CASP2: variants seen among roughly 807,000 people sequenced by gnomAD.
The protein encoded by CASP2 is caspase-2.
In CASP2, 38 loss-of-function variants were observed where a neutral mutation model predicts 54.4. The ratio of observed to expected loss-of-function variants is 0.70; its 90% CI spans 0.54 to 0.92. The LOEUF (loss-of-function observed/expected upper bound fraction) is 0.92. CASP2 is among the 40% of genes least tolerant of loss of function. The pLI is 0.00. For synonymous variants in CASP2, 215 were observed against 216.3 expected (o/e 0.99, Z 0.05); for missense variants, 512 against 579.6 (o/e 0.88, Z 1.20).
chr7:143,288,352 C>G lies in CASP2; in HGVS notation c.-104C>G. On this transcript the variant is annotated 5_prime_UTR_variant, in exon 1 of 11. Coordinates refer to ENST00000310447, the MANE Select transcript of CASP2 (RefSeq NM_032982.4). Reference sequence around the variant, plus strand: ...GCGCGGCAGGGCGCAGGCGCAGGCGCAGTGTGCGTCCGCGTCTGAGGGGAG... The same window carrying G: ...GCGCGGCAGGGCGCAGGCGCAGGCGGAGTGTGCGTCCGCGTCTGAGGGGAG... 8.5e-7 allele frequency: 1 copy of G among 1,171,738 alleles called. No individual in the cohort carries two copies. The highest frequency in any genetic ancestry group is 1.3e-5 in the South Asian group (1 of 74,562). 72.6% of individuals were successfully genotyped at this position (1,171,738 alleles called of 1,614,324 possible).
rs755264225 is a variant in CASP2, at chr7:143,294,654, T to C, written c.628T>C (p.Phe210Leu). Reference sequence around the variant, plus strand: ...AGCACTGGTGTTGAGCAATGTGCACTTCACTGGAGAGAAAGAACTGGAATT... The same window carrying C: ...AGCACTGGTGTTGAGCAATGTGCACCTCACTGGAGAGAAAGAACTGGAATT... ...GLALVLSNVH[F>L]TGEKELEFRS... Residue 210 changes from phenylalanine (F) to leucine (L), a missense_variant, in exon 6 of 11, where the codon TTC (phenylalanine) becomes CTC (leucine). Physicochemically the swap from Phe to Leu is conservative, Grantham distance 22. Coordinates refer to ENST00000310447, the MANE Select transcript of CASP2 (RefSeq NM_032982.4). 71 of 1,614,092 alleles carry C rather than the reference T, an allele frequency of 4.4e-5. No individual in the cohort carries two copies. Among genetic ancestry groups the C allele is most frequent in the South Asian group, 1.4e-4 (13 of 91,092 alleles).
chr7:143,301,666 T>A (rs1801920634), intron 8 of CASP2: 1 of 152,062 alleles, frequency 6.6e-6, no homozygotes, highest in Non-Finnish European at 1.5e-5. Flanking sequence ...GTATCTAGAG[T>A]CTGTCGTAGG....
At position 143,291,599 on chromosome 7, in the gene CASP2, T is replaced by A; in HGVS notation, c.134T>A (p.Val45Glu). The change falls in exon 2 of 11, where the codon GTG becomes GAG. Residue 45 changes from valine to glutamate, a missense_variant. Around this residue, in one of 3 missense-constraint regions of CASP2, gnomAD observed 89 missense variants for 67.1 expected, o/e 1.33. Transcript: ENST00000310447. ...HHQETLKKNRVVLAKQLLLSE... is the reference protein window; with the variant it reads ...HHQETLKKNREVLAKQLLLSE... The stretch of plus-strand genomic sequence containing the variant: ...CAGGAAACTCTAAAAAAGAACCGAG[T>A]GGTGCTAGCCAAACAGCTGTTGTTG... 2 of 1,613,762 alleles carry A rather than the reference T, an allele frequency of 1.2e-6. No homozygotes were observed. The highest frequency in any genetic ancestry group is 1.7e-6 in the Non-Finnish European group (2 of 1,179,908).
rs1249781536 is a variant in CASP2 at position 143,307,648 on chromosome 7, A to G, written c.*2577A>G. 1 of 152,182 alleles carries G rather than the reference A, an allele frequency of 6.6e-6. No individual in the cohort carries two copies. The highest frequency in any genetic ancestry group is 1.5e-5 in the Non-Finnish European group (1 of 68,028). 9.4% of individuals were successfully genotyped at this position (152,182 alleles called of 1,614,324 possible). A position where few individuals can be genotyped will look rare whatever the true frequency, so the allele number is the denominator to read the frequency against. ...GAACCTTTCCACTCCCACTGCCAGGATTTTGTATTGCCATCGGGTGCCAAA... is the reference window on the plus strand; with the variant it reads ...GAACCTTTCCACTCCCACTGCCAGGGTTTTGTATTGCCATCGGGTGCCAAA... On this transcript the variant is annotated 3_prime_UTR_variant, in exon 11 of 11. Coordinates refer to ENST00000310447, the MANE Select transcript of CASP2 (RefSeq NM_032982.4).
At position 143,288,395 on chromosome 7, in the gene CASP2, C is replaced by G; in HGVS notation, c.-61C>G. 1.3e-6 allele frequency: 2 copies of G among 1,540,202 alleles called. No individual in the cohort carries two copies. The highest frequency in any genetic ancestry group is 1.1e-5 in the South Asian group (1 of 88,358). ...GAGGGGAGGGATGTGGGGGAAGCGACGGCCCCCGGTTTGTTTGGGCTGTGG... is the reference window on the plus strand; with the variant it reads ...GAGGGGAGGGATGTGGGGGAAGCGAGGGCCCCCGGTTTGTTTGGGCTGTGG... On this transcript the variant is annotated 5_prime_UTR_variant, in exon 1 of 11. Transcript: ENST00000310447.
rs946012982 is a variant in CASP2, at chr7:143,305,811, G to A, written c.*740G>A. 2.6e-5 allele frequency: 4 copies of A among 154,410 alleles called. No homozygotes were observed. Among genetic ancestry groups the A allele is most frequent in the Admixed American group, 6.3e-5 (1 of 15,770 alleles). 9.6% of individuals were successfully genotyped at this position (154,410 alleles called of 1,614,324 possible). ...GAGCTTTGTTACTGAAATGAGCCTC[G>A]TGGGGAGCATCAGAGAAGGCCAGGA... is the stretch of plus-strand genomic sequence containing the variant. On this transcript the variant is annotated 3_prime_UTR_variant, in exon 11 of 11. Coordinates refer to ENST00000310447, the MANE Select transcript of CASP2 (RefSeq NM_032982.4).
intron 1 of CASP2, chr7:143,289,611 G>A (rs1801491759): frequency 2.0e-6 from 2 of 983,966 alleles, no homozygotes; most frequent in African/African-American, 1.7e-5. Context: ...GATTTAAGGA[G>A]CGAATACTAC....
rs1329954156 is a variant in CASP2, at chr7:143,305,180, G to T, written c.*109G>T. ...GTTTCTGTTCTGCCCCCTCAGGGATGTGGGAATCTCCCAGACTTGTTTCCT... is the reference window on the plus strand; with the variant it reads ...GTTTCTGTTCTGCCCCCTCAGGGATTTGGGAATCTCCCAGACTTGTTTCCT... On this transcript the variant is annotated 3_prime_UTR_variant, in exon 11 of 11. Coordinates refer to ENST00000310447, the MANE Select transcript of CASP2 (RefSeq NM_032982.4). 4 of 1,393,300 alleles carry T rather than the reference G, an allele frequency of 2.9e-6. No individual in the cohort carries two copies. The highest frequency in any genetic ancestry group is 4.0e-6 in the Non-Finnish European group (4 of 994,234). 86.3% of individuals were successfully genotyped at this position (1,393,300 alleles called of 1,614,324 possible). A position where few individuals can be genotyped will look rare whatever the true frequency, so the allele number is the denominator to read the frequency against.
chr7:143,294,821 C>A, intron 6 of CASP2, 48 bp downstream of exon 6: 1 of 1,501,202 alleles, frequency 6.7e-7, no homozygotes, highest in Non-Finnish European at 9.2e-7. Flanking sequence ...GACTGAACAA[C>A]ACTTTGGGAC....
chr7:143,300,836 C>T (rs1338990854), intron 8 of CASP2: 6 of 1,135,798 alleles, frequency 5.3e-6, no homozygotes, highest in African/African-American at 1.6e-5. Flanking sequence ...CTTCCTTTTC[C>T]GTGAGCTGCT....
At chr7:143,304,616 T>G in intron 9 of CASP2, 58 bp from the exon 10 acceptor site, 1 of 1,266,748 alleles carries the variant, frequency 7.9e-7, no homozygotes, top group Non-Finnish European at 1.2e-6. Flanking sequence ...GAGTCTAGTT[T>G]GGGAAGTGCA....
intron 6 of CASP2, among the ~76,000 whole-genome samples, chr7:143,297,678 C>G (rs1463407228): frequency 6.6e-6 from 1 of 152,082 alleles, no homozygotes; most frequent in Non-Finnish European, 1.5e-5. Context: ...AACTCCTGAC[C>G]TCAGGTGATC....
chr7:143,299,296 A>C (rs557557026), intron 6 of CASP2, among the ~76,000 whole-genome samples: 1 of 152,332 alleles, frequency 6.6e-6, no homozygotes, highest in Non-Finnish European at 1.5e-5. Context: ...TCATGAAGCC[A>C]AGGTTCAAAC....
chr7:143,294,461 T>G, intron 5 of CASP2, 136 bp from the exon 6 acceptor site: 1 of 1,040,480 alleles, frequency 9.6e-7, no homozygotes, highest in Non-Finnish European at 1.5e-6. Flanking sequence ...ATGCCTTCTG[T>G]GAGCATTTGT....
intron 6 of CASP2, among the ~76,000 whole-genome samples, chr7:143,295,453 C>T (rs969268395): frequency 1.3e-5 from 2 of 152,216 alleles, no homozygotes; most frequent in African/African-American, 4.8e-5. Context: ...TACTGTACTG[C>T]ACAACTGACT....
intron 1 of CASP2, among the ~76,000 whole-genome samples, chr7:143,290,055 C>CTTTTTT (rs35440867): frequency 1.7e-4 from 19 of 114,542 alleles, no homozygotes; most frequent in African/African-American, 3.7e-4. Context: ...TTTTCCCTCC[C>CTTTTTT]TTTTTTTTTT....
intron 5 of CASP2, 86 bp from the exon 6 acceptor site, chr7:143,294,511 G>A: frequency 1.5e-6 from 2 of 1,340,364 alleles, no homozygotes; most frequent in Non-Finnish European, 2.1e-6. Flanking sequence ...AAAATACGAT[G>A]TCTTTGTTTT....
chr7:143,304,546 C>T, intron 9 of CASP2, 128 bp from the exon 10 acceptor site: 2 of 778,798 alleles, frequency 2.6e-6, no homozygotes, highest in Admixed American at 3.5e-5. Context: ...AGAGTACCCT[C>T]CTAGACTTAG....
Position 143,303,834 on chromosome 7 carries a change from T to TC in CASP2, c.1022dup (p.Gly342TrpfsTer6), listed in dbSNP as rs750126696. On this transcript the variant is annotated frameshift_variant, in exon 9 of 11. Transcript: ENST00000310447. LOFTEE classifies it high-confidence loss of function. The stretch of plus-strand genomic sequence containing the variant: ...ACAAGATGGAAAGAACCACGCAGGA[T>TC]CCCCTGGGTGCGAGGAGAGTGATGC... The TC allele has an allele frequency of 3.7e-6, 6 of 1,613,128 alleles. No individual in the cohort carries two copies. The African/African-American group carries it at 8.0e-5, about 22-fold the overall frequency.
Sources: allele counts gnomAD v4.1 joint callset (sites outside exome capture counted in the v4.1 genomes callset), GRCh38; gene constraint gnomAD v4.1.1; regional missense constraint gnomAD v4.1.1; transcripts MANE v1.5; gene names NCBI Gene and HGNC (gene_info 2026-07-23, HGNC 2026-07-21).